Variants in RASA1 observed in about 807,000 individuals in gnomAD.
The protein encoded by RASA1 is ras GTPase-activating protein 1.
RASA1 carries 25 observed loss-of-function variants against 132.2 expected under a neutral mutation model. The observed-to-expected ratio is 0.19, with a 90% CI of 0.14 to 0.26. The LOEUF (loss-of-function observed/expected upper bound fraction) is 0.26, where lower values mean the gene tolerates loss of function less well. Among genes scored for constraint, RASA1 ranks in the 10% least tolerant of loss-of-function variants. RASA1 has a pLI of 1.00. For missense variants in RASA1, 964 were observed against 1,299.2 expected (o/e 0.74, Z 3.97); for synonymous variants, 477 against 449.9 (o/e 1.06, Z -0.76).
intron 1 of RASA1, among the ~76,000 whole-genome samples, chr5:87,326,035 A>C (rs1757208364): frequency 6.6e-6 from 1 of 151,988 alleles, no homozygotes; most frequent in South Asian, 2.1e-4. Flanking sequence ...GCAGTGGCAC[A>C]ATCTTGTCTC....
intron 12 of RASA1, among the ~76,000 whole-genome samples, chr5:87,370,941 T>C (rs1181579560): frequency 6.6e-6 from 1 of 152,168 alleles, no homozygotes; most frequent in Non-Finnish European, 1.5e-5. Context: ...TTAATGCTCA[T>C]TTCACATGTA....
rs1378244311 is a variant in RASA1, at chr5:87,360,657, C to G, written c.1333-1894C>G. On this transcript the variant is annotated intron_variant, in intron 9 of 24. Transcript: ENST00000274376. The stretch of plus-strand genomic sequence containing the variant: ...TATTAAGTAAATTTTGATGTACATA[C>G]AAAAATTTAGTCTCATTTCTTTTTA... Among the ~76,000 whole-genome samples, 3 of 152,162 alleles carry G rather than the reference C, an allele frequency of 2.0e-5. No homozygotes were observed. In the East Asian group the frequency reaches 5.8e-4, roughly 29 times the overall value.
intron 9 of RASA1, among the ~76,000 whole-genome samples, chr5:87,355,795 A>G (rs1759606765): frequency 6.6e-6 from 1 of 152,230 alleles, no homozygotes; most frequent in Non-Finnish European, 1.5e-5. Flanking sequence ...AGAGGCCAAA[A>G]TAACAACATT....
intron 9 of RASA1, among the ~76,000 whole-genome samples, chr5:87,354,663 G>A (rs1258812698): frequency 6.6e-6 from 1 of 152,144 alleles, no homozygotes; most frequent in Non-Finnish European, 1.5e-5. Context: ...AAAGTCACAT[G>A]TCTCTCACAT....
At chr5:87,362,310 T>A (rs1760166339) in intron 9 of RASA1, among the ~76,000 whole-genome samples, 1 of 152,192 alleles carries the variant, frequency 6.6e-6, no homozygotes, top group Non-Finnish European at 1.5e-5. Context: ...AACAGACAAC[T>A]TATTAGTTGT....
rs1762476793 is a variant in RASA1 at position 87,391,044 on chromosome 5, A to T, written c.*161A>T. ...AAATCCAAGATTCTGCTGGTGAATA[A>T]CTATGCCAGCAACCTTGTAAGCTAT... is the stretch of plus-strand genomic sequence containing the variant. On this transcript the variant is annotated 3_prime_UTR_variant, in exon 25 of 25. Coordinates refer to ENST00000274376, the MANE Select transcript of RASA1 (RefSeq NM_002890.3). The T allele has an allele frequency of 4.1e-6, 3 of 740,550 alleles. No homozygotes were observed. In the South Asian group the frequency reaches 4.6e-5, roughly 11 times the overall value. The allele number at this position is 740,550 out of a possible 1,614,324, so 45.9% of individuals were successfully genotyped here.
intron 1 of RASA1, among the ~76,000 whole-genome samples, chr5:87,319,497 T>C (rs1218901216): frequency 1.3e-5 from 2 of 152,126 alleles, no homozygotes; most frequent in Non-Finnish European, 2.9e-5. Flanking sequence ...CCCAACACCA[T>C]GTGGAATCCA....
intron 1 of RASA1, among the ~76,000 whole-genome samples, chr5:87,303,513 T>G (rs1755470851): frequency 6.6e-6 from 1 of 152,128 alleles, no homozygotes; most frequent in Admixed American, 6.5e-5. Flanking sequence ...AATTGTTATA[T>G]GACCTGTCTG....
intron 1 of RASA1, among the ~76,000 whole-genome samples, chr5:87,304,450 C>G (rs1166681302): frequency 1.3e-5 from 2 of 151,702 alleles, no homozygotes; most frequent in African/African-American, 4.8e-5. Flanking sequence ...TGCATTATTG[C>G]TCTGCATGTT....
chr5:87,355,386 C>T lies in RASA1; in HGVS notation c.1332+2151C>T, dbSNP rs79305521. ...TCAGAATTATGCCAAATCTACTGTG[C>T]CTGTGCTCTGTCAATGGAACTACAA... On this transcript the variant is annotated intron_variant, in intron 9 of 24. Coordinates refer to ENST00000274376, the MANE Select transcript of RASA1 (RefSeq NM_002890.3). 4.6e-3 allele frequency among the ~76,000 whole-genome samples: 703 copies of T among 152,252 alleles called. 9 individuals carry two copies. The highest frequency in any genetic ancestry group is 0.015 in the African/African-American group (609 of 41,546).
At chr5:87,334,231 A>G (rs1474443211) in intron 4 of RASA1, among the ~76,000 whole-genome samples, 1 of 152,228 alleles carries the variant, frequency 6.6e-6, no homozygotes, top group Non-Finnish European at 1.5e-5. Flanking sequence ...CCTGAGAACC[A>G]GGGGAGCCTA....
chr5:87,315,392 A>G (rs976429434), intron 1 of RASA1, among the ~76,000 whole-genome samples: 27 of 152,112 alleles, frequency 1.8e-4, no homozygotes, highest in African/African-American at 5.8e-4. Flanking sequence ...AAAACCACCA[A>G]TCCCATCATG....
At chr5:87,385,836 C>G (rs563583029) in intron 22 of RASA1, among the ~76,000 whole-genome samples, 1 of 152,014 alleles carries the variant, frequency 6.6e-6, no homozygotes, top group Non-Finnish European at 1.5e-5. Context: ...TAATACGTGA[C>G]AGACTTCTTG....
intron 1 of RASA1, among the ~76,000 whole-genome samples, chr5:87,288,786 G>GA (rs769122154): frequency 1.1e-4 from 17 of 152,168 alleles, no homozygotes; most frequent in Non-Finnish European, 1.9e-4. Context: ...AAAGTTGCAA[G>GA]AATACTGAGC....
chr5:87,341,179 A>G, intron 5 of RASA1, 111 bp from the exon 6 acceptor site: 4 of 555,814 alleles, frequency 7.2e-6, no homozygotes, highest in Non-Finnish European at 1.1e-5. Flanking sequence ...TTATATAAAC[A>G]TAAATAAGGA....
chr5:87,375,843 T>C (rs1347999498), intron 15 of RASA1, among the ~76,000 whole-genome samples: 1 of 152,248 alleles, frequency 6.6e-6, no homozygotes, highest in Non-Finnish European at 1.5e-5. Flanking sequence ...AAAATGTTTA[T>C]TCTGTAGTTT....
At chr5:87,338,230 G>T in intron 5 of RASA1, 139 bp downstream of exon 5, 1 of 1,359,726 alleles carries the variant, frequency 7.4e-7, no homozygotes, top group South Asian at 1.4e-5. Context: ...AATTATAAGT[G>T]CTGTTTGTTA....
Position 87,285,302 on chromosome 5 carries a change from C to T in RASA1, c.539+16312C>T, listed in dbSNP as rs562472906. Reference sequence around the variant, plus strand: ...CAGGATGGTCTTGATTTCTTGACCTCGTGATCCTTCCTCCTCGGCCTCCCA... The same window carrying T: ...CAGGATGGTCTTGATTTCTTGACCTTGTGATCCTTCCTCCTCGGCCTCCCA... On this transcript the variant is annotated intron_variant, in intron 1 of 24. Transcript: ENST00000274376. Among the ~76,000 whole-genome samples, 13 of 151,868 alleles carry T rather than the reference C, an allele frequency of 8.6e-5. No homozygotes were observed. The South Asian group carries it at 1.0e-3, about 12-fold the overall frequency.
rs1580320413 is a variant in RASA1 at position 87,346,743 on chromosome 5, G to A, written c.1102+19G>A. The A allele has an allele frequency of 2.0e-6, 3 of 1,503,568 alleles. No individual in the cohort carries two copies. 93.1% of individuals were successfully genotyped at this position (1,503,568 alleles called of 1,614,324 possible). ...ATGACAGGTACTTACATATTTACTTGCTTTTCTAATGTCTATTTAAAGAGA... is the reference window on the plus strand; with the variant it reads ...ATGACAGGTACTTACATATTTACTTACTTTTCTAATGTCTATTTAAAGAGA... On this transcript the variant is annotated intron_variant, in intron 7 of 24. Coordinates refer to ENST00000274376, the MANE Select transcript of RASA1 (RefSeq NM_002890.3).
Sources: allele counts gnomAD v4.1 joint callset (sites outside exome capture counted in the v4.1 genomes callset), GRCh38; gene constraint gnomAD v4.1.1; transcripts MANE v1.5; gene names NCBI Gene and HGNC (gene_info 2026-07-23, HGNC 2026-07-21).